CSMD1: variants seen among roughly 807,000 people sequenced by gnomAD.
CSMD1 encodes CUB and sushi domain-containing protein 1.
Under a neutral mutation model 417.5 loss-of-function variants are expected in CSMD1, and 213 were observed. The observed-to-expected ratio is 0.51, with a 90% CI of 0.46 to 0.57. CSMD1 has a LOEUF of 0.57. Among genes scored for constraint, CSMD1 ranks in the 20% least tolerant of loss-of-function variants. The pLI is 0.00. For missense variants in CSMD1, 6,923 were observed against 4,529.7 expected (o/e 1.53, Z -15.17); for synonymous variants, 2,862 against 1,736.8 (o/e 1.65, Z -16.11).
At chr8:4,695,010 G>C (rs1198866170) in intron 1 of CSMD1, among the ~76,000 whole-genome samples, 1 of 152,012 alleles carries the variant, frequency 6.6e-6, no homozygotes, top group Non-Finnish European at 1.5e-5. Context: ...AATACCACGT[G>C]ATTAAGCTCC....
At chr8:3,694,148 T>C (rs1390442153) in intron 7 of CSMD1, among the ~76,000 whole-genome samples, 1 of 151,900 alleles carries the variant, frequency 6.6e-6, no homozygotes, top group East Asian at 1.9e-4. Flanking sequence ...TGTGTGTACA[T>C]GCTGGAGAGG....
intron 3 of CSMD1, among the ~76,000 whole-genome samples, chr8:4,380,875 T>C (rs1194211114): frequency 6.6e-6 from 1 of 152,162 alleles, no homozygotes; most frequent in Non-Finnish European, 1.5e-5. Flanking sequence ...TTACTATACT[T>C]TTTATATTTT....
intron 40 of CSMD1, among the ~76,000 whole-genome samples, chr8:3,150,819 G>T (rs189845583): frequency 6.6e-6 from 1 of 152,028 alleles, no homozygotes; most frequent in Non-Finnish European, 1.5e-5. Flanking sequence ...TTTCTGAAGA[G>T]AGGCCAGAAA....
intron 4 of CSMD1, among the ~76,000 whole-genome samples, chr8:4,012,544 C>A (rs1306799415): frequency 3.3e-5 from 5 of 152,086 alleles, no homozygotes; most frequent in African/African-American, 4.8e-5. Flanking sequence ...GATCACAGCA[C>A]CTGGCAGGTA....
At chr8:3,125,119 G>A (rs550560678) in intron 41 of CSMD1, among the ~76,000 whole-genome samples, 46 of 152,124 alleles carry the variant, frequency 3.0e-4, no homozygotes, top group African/African-American at 1.1e-3. Flanking sequence ...CACACAATAA[G>A]GTATAAAGGA....
intron 3 of CSMD1, among the ~76,000 whole-genome samples, chr8:4,249,791 G>A (rs1401754613): frequency 3.9e-5 from 6 of 152,116 alleles, no homozygotes; most frequent in African/African-American, 1.4e-4. Context: ...GGGAAATGAA[G>A]AACACAGTGT....
At chr8:3,008,474 G>C (rs775590311) in intron 52 of CSMD1, among the ~76,000 whole-genome samples, 9 of 152,218 alleles carry the variant, frequency 5.9e-5, no homozygotes, top group Non-Finnish European at 1.3e-4. Context: ...TGTTTCTAGA[G>C]TTCCATGTAA....
At chr8:3,320,098 C>G (rs547607300) in intron 23 of CSMD1, among the ~76,000 whole-genome samples, 31 of 152,300 alleles carry the variant, frequency 2.0e-4, no homozygotes, top group African/African-American at 7.5e-4. Context: ...ACACAGAAGA[C>G]ATGCTCTGTG....
chr8:3,180,609 T>G (rs2075100521), intron 37 of CSMD1, among the ~76,000 whole-genome samples: 1 of 152,082 alleles, frequency 6.6e-6, no homozygotes, highest in South Asian at 2.1e-4. Flanking sequence ...ACCCATTAAT[T>G]TGTCTCTCAT....
intron 4 of CSMD1, among the ~76,000 whole-genome samples, chr8:4,015,820 G>C (rs1048412291): frequency 2.0e-5 from 3 of 152,254 alleles, no homozygotes; most frequent in Admixed American, 6.5e-5. Context: ...CATTCACTAA[G>C]CAAGCGGCGT....
intron 18 of CSMD1, among the ~76,000 whole-genome samples, chr8:3,383,132 T>G (rs1333345883): frequency 1.3e-5 from 2 of 152,198 alleles, no homozygotes; most frequent in Non-Finnish European, 2.9e-5. Flanking sequence ...TGGATTGAAG[T>G]TATAAATTTA....
At chr8:3,538,930 A>T (rs1798320955) in intron 10 of CSMD1, among the ~76,000 whole-genome samples, 1 of 152,174 alleles carries the variant, frequency 6.6e-6, no homozygotes, top group African/African-American at 2.4e-5. Context: ...CCGCCAGAGC[A>T]ACGTTTGTGA....
chr8:3,489,522 A>G (rs1291964034), intron 11 of CSMD1, among the ~76,000 whole-genome samples: 4 of 152,228 alleles, frequency 2.6e-5, no homozygotes, highest in Non-Finnish European at 5.9e-5. Context: ...ATTCGAGAAC[A>G]GTCTCAATAG....
chr8:3,379,571 C>A (rs192674365), intron 18 of CSMD1, among the ~76,000 whole-genome samples: 21 of 152,262 alleles, frequency 1.4e-4, no homozygotes, highest in African/African-American at 9.6e-5. Context: ...TGGAACAGAA[C>A]AGAGGTCTCT....
At chr8:3,090,157 A>C (rs868623974) in intron 48 of CSMD1, among the ~76,000 whole-genome samples, 1 of 151,914 alleles carries the variant, frequency 6.6e-6, no homozygotes, top group Non-Finnish European at 1.5e-5. Context: ...TACTAAAAAA[A>C]TACAAAAAAA....
chr8:3,276,907 C>G (rs914199481), intron 26 of CSMD1, among the ~76,000 whole-genome samples: 5 of 152,044 alleles, frequency 3.3e-5, no homozygotes, highest in South Asian at 2.1e-4. Flanking sequence ...GTAACTTAAT[C>G]CACTGTATTA....
intron 2 of CSMD1, among the ~76,000 whole-genome samples, chr8:4,466,138 T>G (rs1250155913): frequency 6.6e-6 from 1 of 152,140 alleles, no homozygotes; most frequent in Non-Finnish European, 1.5e-5. Flanking sequence ...TTATAAAGAA[T>G]GAAATATTGT....
chr8:3,151,110 G>C (rs972864908), intron 40 of CSMD1: 2 of 247,932 alleles, frequency 8.1e-6, no homozygotes, highest in Non-Finnish European at 1.5e-5. Flanking sequence ...TAAATAAAGA[G>C]ATTGATAATT....
At chr8:4,194,429 A>G (rs1194546575) in intron 3 of CSMD1, among the ~76,000 whole-genome samples, 2 of 152,182 alleles carry the variant, frequency 1.3e-5, no homozygotes, top group Non-Finnish European at 2.9e-5. Context: ...TAAAATATCT[A>G]ACAATAAATG....
Sources: allele counts gnomAD v4.1 joint callset (sites outside exome capture counted in the v4.1 genomes callset), GRCh38; gene constraint gnomAD v4.1.1; transcripts MANE v1.5; gene names NCBI Gene and HGNC (gene_info 2026-07-23, HGNC 2026-07-21).